Variants in DSTN observed in about 807,000 individuals in gnomAD.
The protein encoded by DSTN is destrin, actin depolymerizing factor.
A neutral mutation model predicts 16.8 loss-of-function variants in DSTN; 10 were observed. The observed-to-expected ratio is 0.60, with a 90% CI of 0.37 to 1.01. The LOEUF (loss-of-function observed/expected upper bound fraction) is 1.01, where lower values mean the gene tolerates loss of function less well. DSTN is among the 50% of genes least tolerant of loss of function. The probability of loss-of-function intolerance (pLI) is 0.01; values close to 1 mark genes in which losing one functional copy is unlikely to be tolerated. For missense variants in DSTN, 141 were observed against 196.7 expected (o/e 0.72, Z 1.69); for synonymous variants, 57 against 58.9 (o/e 0.97, Z 0.14).
At chr20:17,584,594 G>A (rs1345298367) in intron 1 of DSTN, among the ~76,000 whole-genome samples, 1 of 151,470 alleles carries the variant, frequency 6.6e-6, no homozygotes, top group Non-Finnish European at 1.5e-5. Flanking sequence ...GGAAGTTGCA[G>A]TGAGCCGAGG....
At chr20:17,586,242 T>C (rs1316766640) in intron 1 of DSTN, among the ~76,000 whole-genome samples, 2 of 152,230 alleles carry the variant, frequency 1.3e-5, no homozygotes, top group Admixed American at 6.5e-5. Flanking sequence ...CTACAACCTT[T>C]ATATGCACAG....
chr20:17,577,232 TGTA>T (rs2035289129), intron 1 of DSTN, among the ~76,000 whole-genome samples: 2 of 152,208 alleles, frequency 1.3e-5, no homozygotes, highest in African/African-American at 4.8e-5. Flanking sequence ...GTACTTAACC[TGTA>T]GTAATAGAAC....
intron 1 of DSTN, among the ~76,000 whole-genome samples, chr20:17,588,935 G>T (rs2035441337): frequency 6.6e-6 from 1 of 152,116 alleles, no homozygotes; most frequent in Non-Finnish European, 1.5e-5. Context: ...ATGGTCACCT[G>T]TATCCTCTGA....
chr20:17,588,432 A>G (rs1054575692), intron 1 of DSTN, among the ~76,000 whole-genome samples: 1 of 152,140 alleles, frequency 6.6e-6, no homozygotes, highest in African/African-American at 2.4e-5. Flanking sequence ...GCCTAAGGCT[A>G]TGTCATCAGC....
At position 17,600,851 on chromosome 20, in the gene DSTN, T is replaced by C; in HGVS notation, c.117T>C (p.Cys39=). ...AAAGAAAGAAGGCTGTCATTTTTTG[T>C]CTCAGTGCAGACAAAAAGTGCATCA... ...IKKRKKAVIF[C]LSADKKCIIV... is the part of the protein sequence containing the mutation. The change falls in exon 2 of 4, where the codon TGT becomes TGC. Residue 39 remains cysteine (C), a synonymous_variant. Coordinates refer to ENST00000246069, the MANE Select transcript of DSTN (RefSeq NM_006870.4). 6.2e-7 allele frequency: 1 copy of C among 1,613,860 alleles called. No individual in the cohort carries two copies. The highest frequency in any genetic ancestry group is 8.5e-7 in the Non-Finnish European group (1 of 1,179,814).
At position 17,607,350 on chromosome 20, in the gene DSTN, T is replaced by C. The variant is rs947876960; in HGVS notation, c.*204T>C. On this transcript the variant is annotated 3_prime_UTR_variant, in exon 4 of 4. Coordinates refer to ENST00000246069, the MANE Select transcript of DSTN (RefSeq NM_006870.4). ...TTATTGATGTGAAATTAAATTCTTATTGGCCAAATGCCTGTTTTGATGAGT... is the reference window on the plus strand; with the variant it reads ...TTATTGATGTGAAATTAAATTCTTACTGGCCAAATGCCTGTTTTGATGAGT... The C allele has an allele frequency of 1.1e-5, 5 of 459,334 alleles. No homozygotes were observed. Among genetic ancestry groups the C allele is most frequent in the Admixed American group, 4.0e-5 (1 of 25,080 alleles). The allele number at this position is 459,334 out of a possible 1,614,324, so 28.5% of individuals were successfully genotyped here. A position where few individuals can be genotyped will look rare whatever the true frequency, so the allele number is the denominator to read the frequency against.
At chr20:17,606,889 T>C in intron 3 of DSTN, 148 bp from the exon 4 acceptor site, 1 of 632,060 alleles carries the variant, frequency 1.6e-6, no homozygotes, top group Non-Finnish European at 2.7e-6. Flanking sequence ...GTTACAATTA[T>C]TTTTTCTCGT....
At chr20:17,594,586 C>T (rs1568737113) in intron 1 of DSTN, among the ~76,000 whole-genome samples, 1 of 152,080 alleles carries the variant, frequency 6.6e-6, no homozygotes, top group Non-Finnish European at 1.5e-5. Context: ...AATGGCTGTT[C>T]AGAACTCAGT....
At chr20:17,590,140 T>A (rs887394547) in intron 1 of DSTN, among the ~76,000 whole-genome samples, 3 of 152,240 alleles carry the variant, frequency 2.0e-5, no homozygotes, top group Non-Finnish European at 4.4e-5. Context: ...AAAAATTTAA[T>A]GCTCACGTTT....
At chr20:17,583,735 CTTTTTTTTTTTT>C (rs71192397) in intron 1 of DSTN, among the ~76,000 whole-genome samples, 3 of 72,492 alleles carry the variant, frequency 4.1e-5, no homozygotes, top group East Asian at 9.7e-4. Flanking sequence ...TTTGGAGTTT[CTTTTTTTTTTTT>C]TTTTTTTTTT....
chr20:17,570,184 C>A lies in DSTN; in HGVS notation c.-25C>A. ...CGCTGCCCGCCGGCTCCCTCCCCCG[C>A]GTCCCTGCGACCGCCGCGGCGAAGA... On this transcript the variant is annotated 5_prime_UTR_variant, in exon 1 of 4. Coordinates refer to ENST00000246069, the MANE Select transcript of DSTN (RefSeq NM_006870.4). The A allele has an allele frequency of 6.6e-7, 1 of 1,519,436 alleles. No homozygotes were observed. Among genetic ancestry groups the A allele is most frequent in the African/African-American group, 1.4e-5 (1 of 69,834 alleles). The allele number at this position is 1,519,436 out of a possible 1,614,324, so 94.1% of individuals were successfully genotyped here.
chr20:17,607,688 C>G lies in DSTN; in HGVS notation c.*542C>G, dbSNP rs2035656921. 1 of 152,274 alleles carries G rather than the reference C, an allele frequency of 6.6e-6. No individual in the cohort carries two copies. The highest frequency in any genetic ancestry group is 2.4e-5 in the African/African-American group (1 of 41,430). 9.4% of individuals were successfully genotyped at this position (152,274 alleles called of 1,614,324 possible). ...TGCCTCAAAATTGTGTCCACATAATCCACGCTCATCTTGCAAAGCGCTATT... is the reference window on the plus strand; with the variant it reads ...TGCCTCAAAATTGTGTCCACATAATGCACGCTCATCTTGCAAAGCGCTATT... On this transcript the variant is annotated 3_prime_UTR_variant, in exon 4 of 4. Coordinates refer to ENST00000246069, the MANE Select transcript of DSTN (RefSeq NM_006870.4).
chr20:17,579,865 G>A (rs2035323890), intron 1 of DSTN, among the ~76,000 whole-genome samples: 1 of 152,122 alleles, frequency 6.6e-6, no homozygotes, highest in African/African-American at 2.4e-5. Context: ...TCATTTCCTG[G>A]GCTGTCAATG....
intron 1 of DSTN, among the ~76,000 whole-genome samples, chr20:17,593,793 A>G (rs1309471128): frequency 6.6e-6 from 1 of 152,150 alleles, no homozygotes; most frequent in Non-Finnish European, 1.5e-5. Flanking sequence ...GGAGCCCATT[A>G]TTGGGCTGGG....
intron 1 of DSTN, among the ~76,000 whole-genome samples, chr20:17,596,136 A>G (rs2035523649): frequency 6.6e-6 from 1 of 151,996 alleles, no homozygotes; most frequent in Non-Finnish European, 1.5e-5. Context: ...CCTCCTCAAA[A>G]TATTCTCCCT....
intron 1 of DSTN, among the ~76,000 whole-genome samples, chr20:17,591,116 C>G (rs1483089311): frequency 1.3e-5 from 2 of 152,124 alleles, no homozygotes; most frequent in East Asian, 1.9e-4. Flanking sequence ...CCCCTTCCCC[C>G]CCAGAAAAAC....
intron 1 of DSTN, among the ~76,000 whole-genome samples, chr20:17,596,191 T>C (rs1477321275): frequency 6.6e-6 from 1 of 152,228 alleles, no homozygotes; most frequent in Non-Finnish European, 1.5e-5. Flanking sequence ...TTCTTAGTTT[T>C]CTGATTACCT....
At chr20:17,587,236 C>T (rs1600704959) in intron 1 of DSTN, among the ~76,000 whole-genome samples, 2 of 150,152 alleles carry the variant, frequency 1.3e-5, no homozygotes, top group African/African-American at 4.9e-5. Flanking sequence ...GTTATGGCAT[C>T]TGTAAGAATT....
chr20:17,570,360 G>T (rs972034437), intron 1 of DSTN, 149 bp downstream of exon 1: 8 of 1,129,458 alleles, frequency 7.1e-6, no homozygotes, highest in Non-Finnish European at 4.7e-6. Flanking sequence ...GCGGGTGAGG[G>T]GGGGTCTCTG....
Sources: allele counts gnomAD v4.1 joint callset (sites outside exome capture counted in the v4.1 genomes callset), GRCh38; gene constraint gnomAD v4.1.1; transcripts MANE v1.5; gene names NCBI Gene and HGNC (gene_info 2026-07-23, HGNC 2026-07-21).